ERBB4: variants seen among roughly 807,000 people sequenced by gnomAD.
ERBB4 encodes erb-b2 receptor tyrosine kinase 4.
In ERBB4, 42 loss-of-function variants were observed where a neutral mutation model predicts 158.0. The observed-to-expected ratio is 0.27, with a 90% CI of 0.21 to 0.34. The LOEUF is 0.34. Among genes scored for constraint, ERBB4 ranks in the 10% least tolerant of loss-of-function variants. ERBB4 has a pLI of 1.00. For synonymous variants in ERBB4, 583 were observed against 558.7 expected, an observed-to-expected ratio of 1.04 and a Z score of -0.61; for missense variants, 1,333 against 1,624.1, an observed-to-expected ratio of 0.82 and a Z score of 3.08.
At chr2:212,313,525 AG>A (rs1048186603) in intron 1 of ERBB4, among the ~76,000 whole-genome samples, 2 of 147,340 alleles carry the variant, frequency 1.4e-5, no homozygotes, top group African/African-American at 4.9e-5. Context: ...CAATGATTCT[AG>A]TTTATTAATA....
At chr2:212,323,430 G>A (rs2087663307) in intron 1 of ERBB4, among the ~76,000 whole-genome samples, 1 of 150,198 alleles carries the variant, frequency 6.7e-6, no homozygotes, top group South Asian at 2.1e-4. Context: ...GGTAGTGTGG[G>A]GAAGGGTATG....
chr2:211,701,828 TAAC>T, intron 12 of ERBB4, 136 bp downstream of exon 12: 1 of 634,252 alleles, frequency 1.6e-6, no homozygotes, highest in Non-Finnish European at 2.8e-6. Flanking sequence ...TTGGTAATTG[TAAC>T]AACTACCTTC....
intron 20 of ERBB4, among the ~76,000 whole-genome samples, chr2:211,505,858 G>A (rs1438583496): frequency 2.0e-5 from 3 of 151,776 alleles, no homozygotes; most frequent in Non-Finnish European, 4.4e-5. Context: ...TACTCAGGAG[G>A]CTGAGGCAGG....
intron 20 of ERBB4, among the ~76,000 whole-genome samples, chr2:211,550,745 T>C (rs1246240394): frequency 2.7e-5 from 4 of 146,528 alleles, no homozygotes; most frequent in African/African-American, 7.5e-5. Flanking sequence ...CACACACACA[T>C]GCATTTCATT....
chr2:212,202,404 A>G (rs2082613721), intron 1 of ERBB4, among the ~76,000 whole-genome samples: 1 of 152,054 alleles, frequency 6.6e-6, no homozygotes, highest in Non-Finnish European at 1.5e-5. Context: ...GCTGGAATGA[A>G]GTGGTACGAT....
chr2:212,421,136 T>C (rs2091782558), intron 1 of ERBB4, among the ~76,000 whole-genome samples: 1 of 152,176 alleles, frequency 6.6e-6, no homozygotes, highest in Admixed American at 6.6e-5. Context: ...TAAAAGATGA[T>C]ATATTTCAAA....
intron 1 of ERBB4, among the ~76,000 whole-genome samples, chr2:212,148,109 T>A (rs1450260146): frequency 2.0e-5 from 3 of 152,232 alleles, no homozygotes; most frequent in African/African-American, 7.2e-5. Flanking sequence ...ATTCCATTCA[T>A]CACCAGGGGG....
chr2:211,395,234 G>A (rs1465931212), intron 25 of ERBB4, among the ~76,000 whole-genome samples: 2 of 151,910 alleles, frequency 1.3e-5, no homozygotes, highest in Non-Finnish European at 2.9e-5. Context: ...TTTTGATGAG[G>A]CTGAACCACA....
chr2:211,564,884 T>G (rs755604468), intron 19 of ERBB4, among the ~76,000 whole-genome samples: 1 of 152,210 alleles, frequency 6.6e-6, no homozygotes, highest in Non-Finnish European at 1.5e-5. Flanking sequence ...CCTGATGAAC[T>G]TAAAATACAT....
At chr2:212,039,988 C>T (rs1435579291) in intron 2 of ERBB4, among the ~76,000 whole-genome samples, 2 of 151,758 alleles carry the variant, frequency 1.3e-5, no homozygotes, top group Admixed American at 1.3e-4. Flanking sequence ...TACATAAGTA[C>T]ATATTTTGCC....
At chr2:212,091,649 G>T (rs1268341920) in intron 2 of ERBB4, among the ~76,000 whole-genome samples, 1 of 152,074 alleles carries the variant, frequency 6.6e-6, no homozygotes, top group Non-Finnish European at 1.5e-5. Context: ...ATTGGCTAAA[G>T]TTCCCAGAGT....
chr2:211,646,524 T>C (rs1033045553), intron 16 of ERBB4, among the ~76,000 whole-genome samples: 9 of 151,590 alleles, frequency 5.9e-5, no homozygotes, highest in African/African-American at 2.2e-4. Context: ...GTAAGGGAAT[T>C]CCATCATAAT....
rs1229779934 is a variant in ERBB4 at position 212,217,966 on chromosome 2, C to T, written c.83-93063G>A. Reference sequence around the variant, plus strand: ...TTGAATCAGCACATATCATGACAACCCAAAGATCAATAACTATTTGTAAAT... The same window carrying T: ...TTGAATCAGCACATATCATGACAACTCAAAGATCAATAACTATTTGTAAAT... On this transcript the variant is annotated intron_variant, in intron 1 of 27. Transcript: ENST00000342788. 1.9e-4 allele frequency among the ~76,000 whole-genome samples: 28 copies of T among 151,010 alleles called. 1 individual carries two copies. Among genetic ancestry groups the T allele is most frequent in the Admixed American group, 1.8e-3 (27 of 15,076 alleles).
At chr2:211,701,505 C>A (rs1488598083) in intron 12 of ERBB4, among the ~76,000 whole-genome samples, 1 of 152,032 alleles carries the variant, frequency 6.6e-6, no homozygotes, top group Non-Finnish European at 1.5e-5. Context: ...GCCTGTAATC[C>A]CAGCACTTTG....
At chr2:211,599,792 A>C (rs1195301365) in intron 19 of ERBB4, among the ~76,000 whole-genome samples, 1 of 152,206 alleles carries the variant, frequency 6.6e-6, no homozygotes, top group Non-Finnish European at 1.5e-5. Flanking sequence ...AAAAAGGATA[A>C]CTTTTAACTA....
intron 10 of ERBB4, 71 bp downstream of exon 10, chr2:211,705,247 C>T (rs1285921822): frequency 9.4e-7 from 1 of 1,063,812 alleles, no homozygotes. Context: ...CCACGATGCC[C>T]AGTCAATCTT....
intron 19 of ERBB4, among the ~76,000 whole-genome samples, chr2:211,601,072 T>C (rs558649535): frequency 1.3e-5 from 2 of 152,194 alleles, no homozygotes; most frequent in South Asian, 4.1e-4. Flanking sequence ...GAAAATAACA[T>C]TTAAGAAATT....
chr2:211,631,168 A>G (rs1303516396), intron 16 of ERBB4, among the ~76,000 whole-genome samples: 1 of 152,054 alleles, frequency 6.6e-6, no homozygotes, highest in Admixed American at 6.6e-5. Context: ...AGTCATGACA[A>G]TGTCTCCAGA....
intron 20 of ERBB4, among the ~76,000 whole-genome samples, chr2:211,508,884 C>T (rs952775546): frequency 5.3e-5 from 8 of 151,874 alleles, no homozygotes; most frequent in African/African-American, 1.9e-4. Context: ...GAGCTGAGAT[C>T]GTGCCACTGC....
Sources: allele counts gnomAD v4.1 joint callset (sites outside exome capture counted in the v4.1 genomes callset), GRCh38; gene constraint gnomAD v4.1.1; transcripts MANE v1.5; gene names NCBI Gene and HGNC (gene_info 2026-07-23, HGNC 2026-07-21).